Variants in CA4 observed in about 807,000 individuals in gnomAD.
CA4 encodes the protein carbonic anhydrase 4.
Under a neutral mutation model 34.5 loss-of-function variants are expected in CA4, and 24 were observed. The ratio of observed to expected loss-of-function variants is 0.70; its 90% confidence interval spans 0.50 to 0.98. CA4 has a LOEUF of 0.98. Ranked by LOEUF, CA4 falls within the 50% of genes least tolerant of loss-of-function variation. The pLI is 0.00. For synonymous variants in CA4, 178 were observed against 170.6 expected, an observed-to-expected ratio of 1.04 and a Z score of -0.34; for missense variants, 394 against 396.7, an observed-to-expected ratio of 0.99 and a Z score of 0.06.
Position 60,159,446 on chromosome 17 carries a change from C to A in CA4, c.*22C>A. On this transcript the variant is annotated 3_prime_UTR_variant, in exon 8 of 8. Transcript: ENST00000300900. ...ATGATGGCTCACTTCTGCACGCAGC[C>A]TCTCTGTTGCCTCAGCTCTCCAAGT... 1 of 1,607,370 alleles carries A rather than the reference C, an allele frequency of 6.2e-7. No individual in the cohort carries two copies. The highest frequency in any genetic ancestry group is 1.1e-5 in the South Asian group (1 of 90,572).
At chr17:60,175,074 T>C (rs2083945238), downstream of CA4, among the ~76,000 whole-genome samples, 1 of 151,998 alleles carries the variant, frequency 6.6e-6, no homozygotes, top group Non-Finnish European at 1.5e-5. Context: ...TCACCCAGGC[T>C]GGAATGCAGT....
downstream of CA4, among the ~76,000 whole-genome samples, chr17:60,161,926 G>A (rs889805318): frequency 2.0e-5 from 3 of 152,024 alleles, no homozygotes; most frequent in African/African-American, 7.2e-5. Flanking sequence ...CTCCCCAATG[G>A]CACTGCATCC....
chr17:60,158,218 G>A lies in CA4; in HGVS notation c.581-65G>A. ...GGGTGTGCGGGGAGCTGGGCTCTCA[G>A]AGTGCAGGGGAAGAGGGGCTCCTTC... On this transcript the variant is annotated intron_variant, in intron 6 of 7. Transcript: ENST00000300900. 3 of 1,607,472 alleles carry A rather than the reference G, an allele frequency of 1.9e-6. No individual in the cohort carries two copies. In the South Asian group the frequency reaches 3.3e-5, roughly 18 times the overall value.
rs569363525 is a variant in CA4 at position 60,159,233 on chromosome 17, C to G, written c.748C>G (p.Leu250Val). Residue 250 changes from leucine (L) to valine (V), a missense_variant, in exon 8 of 8, where the codon CTG (leucine) becomes GTG (valine). By Grantham distance (32) the Leu-to-Val change is conservative. Coordinates refer to ENST00000300900, the MANE Select transcript of CA4 (RefSeq NM_000717.5). ...EPIQLHREQI[L>V]AFSQKLYYDK... ...CTGAGCCCCATCACTTCCGCAGATC[C>G]TGGCATTCTCTCAGAAGCTGTACTA... The G allele has an allele frequency of 6.3e-7, 1 of 1,599,380 alleles. No homozygotes were observed. The highest frequency in any genetic ancestry group is 1.3e-5 in the African/African-American group (1 of 74,570).
chr17:60,159,644 CAGG>C (rs1365085327), downstream of CA4: 3 of 614,168 alleles, frequency 4.9e-6, no homozygotes, highest in Non-Finnish European at 8.6e-6. Context: ...GCTTTAAGGC[CAGG>C]AGATTTCTCC....
intron 5 of CA4, among the ~76,000 whole-genome samples, chr17:60,169,013 A>C (rs2083887366): frequency 6.6e-6 from 1 of 152,132 alleles, no homozygotes; most frequent in Non-Finnish European, 1.5e-5. Flanking sequence ...TTGGGAGGCC[A>C]AGGTGGGCAG....
chr17:60,158,545 G>A, intron 7 of CA4, 99 bp downstream of exon 7: 1 of 1,247,146 alleles, frequency 8.0e-7, no homozygotes, highest in Non-Finnish European at 1.1e-6. Flanking sequence ...TACAGGTGGG[G>A]AGCCCAGGTA....
downstream of CA4, among the ~76,000 whole-genome samples, chr17:60,173,940 T>C (rs373678116): frequency 2.0e-5 from 3 of 152,196 alleles, no homozygotes; most frequent in East Asian, 3.8e-4. Flanking sequence ...AGCAGAGAGC[T>C]CTGTACGTGG....
chr17:60,164,959 G>A (rs760945738), intron 5 of CA4, among the ~76,000 whole-genome samples: 22 of 152,260 alleles, frequency 1.4e-4, no homozygotes, highest in Non-Finnish European at 1.9e-4. Context: ...TCATTTTTCT[G>A]AGCCTCAGTT....
At chr17:60,169,265 C>CAAAAAAAAAAAA (rs1567737713) in intron 5 of CA4, among the ~76,000 whole-genome samples, 2,019 of 138,834 alleles carry the variant, frequency 0.015, 80 homozygotes, top group African/African-American at 0.059. Flanking sequence ...AAAAAAAAAG[C>CAAAAAAAAAAAA]AGCAGCAGCA....
chr17:60,174,686 G>T, downstream of CA4, among the ~76,000 whole-genome samples: 1 of 152,128 alleles, frequency 6.6e-6, no homozygotes, highest in Non-Finnish European at 1.5e-5. Context: ...ATAGAGGTGT[G>T]TGCATTTCTG....
At chr17:60,155,632 T>G (rs908529237) in intron 2 of CA4, among the ~76,000 whole-genome samples, 2 of 144,126 alleles carry the variant, frequency 1.4e-5, no homozygotes, top group Non-Finnish European at 3.0e-5. Context: ...ACACTCACAC[T>G]CACACATGCA....
At chr17:60,166,941 A>G (rs1209585465) in intron 5 of CA4, among the ~76,000 whole-genome samples, 1 of 152,132 alleles carries the variant, frequency 6.6e-6, no homozygotes, top group Admixed American at 6.5e-5. Context: ...TGGGTGACAA[A>G]GCAGGACTCC....
downstream of CA4, among the ~76,000 whole-genome samples, chr17:60,175,437 C>T (rs1240037508): frequency 6.6e-6 from 1 of 150,856 alleles, no homozygotes; most frequent in African/African-American, 2.4e-5. Context: ...GGTGTGGTGG[C>T]GCACATCTGT....
At chr17:60,175,504 G>A (rs2083952255), downstream of CA4, among the ~76,000 whole-genome samples, 1 of 150,850 alleles carries the variant, frequency 6.6e-6, no homozygotes, top group Non-Finnish European at 1.5e-5. Context: ...GGGAGGTTGA[G>A]GCTGCAGTGA....
chr17:60,155,823 G>GTTTTGCTGTTTCCCATAATA (rs1173375041), intron 2 of CA4, among the ~76,000 whole-genome samples: 1 of 152,234 alleles, frequency 6.6e-6, no homozygotes, highest in Non-Finnish European at 1.5e-5. Flanking sequence ...ATTAAAGGAA[G>GTTTTGCTGTTTCCCATAATA]AAAGGCGTTT....
At chr17:60,174,179 C>T (rs1207059077), downstream of CA4, among the ~76,000 whole-genome samples, 1 of 152,096 alleles carries the variant, frequency 6.6e-6, no homozygotes, top group Non-Finnish European at 1.5e-5. Flanking sequence ...TGAAAACTTT[C>T]GTTTACAGCT....
intron 5 of CA4, among the ~76,000 whole-genome samples, chr17:60,165,902 A>C (rs2083851333): frequency 6.6e-6 from 1 of 150,914 alleles, no homozygotes; most frequent in South Asian, 2.1e-4. Flanking sequence ...TTTGTTATTT[A>C]CCTGAAATTT....
At chr17:60,173,366 A>G (rs1425539927), downstream of CA4, among the ~76,000 whole-genome samples, 1 of 152,196 alleles carries the variant, frequency 6.6e-6, no homozygotes, top group East Asian at 1.9e-4. Flanking sequence ...CACTCAGCAC[A>G]AACAGGCTGC....
Sources: gnomAD v4.1 joint callset for allele counts (sites outside exome capture counted in the v4.1 genomes callset) on GRCh38, gnomAD v4.1.1 for gene constraint, MANE v1.5 for transcripts, NCBI Gene and HGNC (gene_info 2026-07-23, HGNC 2026-07-21) for gene names.